NKAIN2: variants seen among roughly 807,000 people sequenced by gnomAD.
The protein encoded by NKAIN2 is sodium/potassium-transporting ATPase subunit beta-1-interacting protein 2.
NKAIN2 carries 14 observed loss-of-function variants against 32.6 expected under a neutral mutation model. That is an observed-to-expected ratio of 0.43 (90% CI 0.28 to 0.67). NKAIN2 has a LOEUF of 0.67. Among genes scored for constraint, NKAIN2 ranks in the 30% least tolerant of loss-of-function variants. NKAIN2 has a pLI of 0.17. For missense variants in NKAIN2, 198 were observed against 258.3 expected (o/e 0.77, Z 1.60); for synonymous variants, 80 against 87.2 (o/e 0.92, Z 0.46).
chr6:124,708,261 G>C (rs905533236), intron 4 of NKAIN2, among the ~76,000 whole-genome samples: 7 of 150,254 alleles, frequency 4.7e-5, no homozygotes, highest in African/African-American at 1.7e-4. Flanking sequence ...AGTATAGTTT[G>C]AAGTCAGGTA....
At chr6:124,813,354 G>A (rs976706188) in intron 5 of NKAIN2, among the ~76,000 whole-genome samples, 17 of 152,064 alleles carry the variant, frequency 1.1e-4, no homozygotes, top group Non-Finnish European at 1.5e-4. Context: ...AACATAAAGA[G>A]CAAATTTTCT....
At chr6:124,615,970 G>T (rs1394813109) in intron 3 of NKAIN2, among the ~76,000 whole-genome samples, 1 of 151,998 alleles carries the variant, frequency 6.6e-6, no homozygotes, top group African/African-American at 2.4e-5. Flanking sequence ...TTCTAAATAT[G>T]CCACATACAC....
chr6:124,183,022 T>C (rs1789525983), intron 1 of NKAIN2, among the ~76,000 whole-genome samples: 1 of 152,120 alleles, frequency 6.6e-6, no homozygotes, highest in East Asian at 1.9e-4. Context: ...GAGGAATTAA[T>C]TATTATTTTA....
chr6:124,326,932 G>GA, intron 2 of NKAIN2, among the ~76,000 whole-genome samples: 2 of 152,162 alleles, frequency 1.3e-5, no homozygotes, highest in Middle Eastern at 3.4e-3. Context: ...ACCCATATAT[G>GA]ATTTTCCTAT....
intron 3 of NKAIN2, among the ~76,000 whole-genome samples, chr6:124,385,952 C>A (rs575901314): frequency 6.6e-6 from 1 of 152,188 alleles, no homozygotes; most frequent in South Asian, 2.1e-4. Flanking sequence ...GTTTAAGACA[C>A]TTATGTAAGC....
At chr6:124,711,896 T>C (rs1262710262) in intron 4 of NKAIN2, among the ~76,000 whole-genome samples, 5 of 152,178 alleles carry the variant, frequency 3.3e-5, no homozygotes, top group African/African-American at 1.2e-4. Context: ...AGAGGCACTC[T>C]GCGTTTTAGA....
intron 1 of NKAIN2, among the ~76,000 whole-genome samples, chr6:124,114,042 A>T (rs1785501462): frequency 6.6e-6 from 1 of 152,194 alleles, no homozygotes; most frequent in South Asian, 2.1e-4. Flanking sequence ...CATACAGAGT[A>T]GGCATGTATT....
At chr6:123,998,078 G>A (rs550533694) in intron 1 of NKAIN2, among the ~76,000 whole-genome samples, 1 of 152,132 alleles carries the variant, frequency 6.6e-6, no homozygotes, top group East Asian at 1.9e-4. Context: ...ATGCTAATTA[G>A]AACTATAGGT....
At chr6:124,496,590 T>C (rs545553544) in intron 3 of NKAIN2, among the ~76,000 whole-genome samples, 4 of 152,066 alleles carry the variant, frequency 2.6e-5, no homozygotes, top group Admixed American at 6.6e-5. Context: ...GTGAGAGGCA[T>C]AGAAGGCACC....
chr6:124,033,764 A>G (rs188519163), intron 1 of NKAIN2, among the ~76,000 whole-genome samples: 3 of 152,274 alleles, frequency 2.0e-5, no homozygotes, highest in African/African-American at 7.2e-5. Flanking sequence ...CACTGAATGC[A>G]TGGTCTTCTT....
intron 1 of NKAIN2, among the ~76,000 whole-genome samples, chr6:124,248,409 C>T (rs957087968): frequency 6.6e-6 from 1 of 151,868 alleles, no homozygotes; most frequent in African/African-American, 2.4e-5. Context: ...CTTCCTTCCC[C>T]CCCACCGAAC....
intron 2 of NKAIN2, among the ~76,000 whole-genome samples, chr6:124,316,946 T>A (rs1449532525): frequency 1.3e-5 from 2 of 152,050 alleles, no homozygotes; most frequent in African/African-American, 4.8e-5. Flanking sequence ...TTTTCTCTAT[T>A]GGTAGCTATG....
intron 4 of NKAIN2, among the ~76,000 whole-genome samples, chr6:124,707,148 T>C (rs963084325): frequency 4.6e-5 from 7 of 152,094 alleles, no homozygotes; most frequent in African/African-American, 1.4e-4. Context: ...ATTTCATCCA[T>C]GTCCCTACAA....
intron 4 of NKAIN2, among the ~76,000 whole-genome samples, chr6:124,698,010 A>C (rs749711482): frequency 5.9e-5 from 9 of 152,194 alleles, no homozygotes; most frequent in Non-Finnish European, 1.2e-4. Context: ...TGAACAGGTG[A>C]TGAAACATGG....
chr6:124,547,542 T>C (rs915772815), intron 3 of NKAIN2, among the ~76,000 whole-genome samples: 2 of 152,226 alleles, frequency 1.3e-5, no homozygotes, highest in Non-Finnish European at 2.9e-5. Context: ...TTACATTTGT[T>C]CAGCCAGCAG....
chr6:123,938,208 TA>T (rs373660954), intron 1 of NKAIN2, among the ~76,000 whole-genome samples: 2 of 151,358 alleles, frequency 1.3e-5, no homozygotes, highest in African/African-American at 4.9e-5. Context: ...TTTTAAACAC[TA>T]GGGGAAGAGA....
At chr6:123,938,326 A>G (rs1190525605) in intron 1 of NKAIN2, among the ~76,000 whole-genome samples, 3 of 146,364 alleles carry the variant, frequency 2.0e-5, no homozygotes, top group Non-Finnish European at 4.5e-5. Context: ...TGTCTTTACA[A>G]TTCTTCAGTC....
chr6:124,356,202 A>C (rs1265836793), intron 3 of NKAIN2, among the ~76,000 whole-genome samples: 1 of 152,196 alleles, frequency 6.6e-6, no homozygotes, highest in Non-Finnish European at 1.5e-5. Context: ...GCTTTAAAAG[A>C]CCAAGAGAGC....
intron 2 of NKAIN2, among the ~76,000 whole-genome samples, chr6:124,286,076 A>G (rs1264405878): frequency 6.6e-6 from 1 of 152,160 alleles, no homozygotes; most frequent in Non-Finnish European, 1.5e-5. Flanking sequence ...CAAAAATAAG[A>G]AAGCATTTCT....
Sources: allele counts gnomAD v4.1 joint callset (sites outside exome capture counted in the v4.1 genomes callset), GRCh38; gene constraint gnomAD v4.1.1; transcripts MANE v1.5; gene names NCBI Gene and HGNC (gene_info 2026-07-23, HGNC 2026-07-21).